SCEL: variants seen among roughly 807,000 people sequenced by gnomAD.
SCEL encodes the protein sciellin.
A neutral mutation model predicts 117.6 loss-of-function variants in SCEL; 113 were observed. The ratio of observed to expected loss-of-function variants is 0.96; its 90% confidence interval spans 0.83 to 1.12. SCEL has a LOEUF of 1.12. Among genes scored for constraint, SCEL ranks in the 50% most tolerant of loss-of-function variants. The pLI, the probability that SCEL is intolerant of heterozygous loss-of-function variation, is 0.00. For synonymous variants in SCEL, 270 were observed against 256.2 expected, an observed-to-expected ratio of 1.05 and a Z score of -0.51; for missense variants, 785 against 810.8, an observed-to-expected ratio of 0.97 and a Z score of 0.39.
chr13:77,642,333 A>T (rs1286829008), intron 31 of SCEL, among the ~76,000 whole-genome samples: 1 of 152,200 alleles, frequency 6.6e-6, no homozygotes, highest in East Asian at 1.9e-4. Flanking sequence ...GGTCTGAAGC[A>T]GCGGTCAGCC....
chr13:77,572,066 A>G lies in SCEL; in HGVS notation c.480-58A>G, dbSNP rs1348928539. ...TTTAACTGTCAAATTATTTTCAGAC[A>G]TGTGGGTGGGATCAGCCTTTCAATC... On this transcript the variant is annotated intron_variant, in intron 8 of 32. Coordinates refer to ENST00000349847, the MANE Select transcript of SCEL (RefSeq NM_144777.3). The G allele has an allele frequency of 2.9e-6, 4 of 1,385,308 alleles. No individual in the cohort carries two copies. The Admixed American group carries it at 5.1e-5, about 18-fold the overall frequency. The allele number at this position is 1,385,308 out of a possible 1,614,324, so 85.8% of individuals were successfully genotyped here.
At chr13:77,541,329 A>T (rs879457193) in intron 1 of SCEL, among the ~76,000 whole-genome samples, 1 of 152,236 alleles carries the variant, frequency 6.6e-6, no homozygotes, top group Admixed American at 6.5e-5. Context: ...AAGATTAATG[A>T]ATGATAATTC....
intron 29 of SCEL, among the ~76,000 whole-genome samples, chr13:77,635,102 G>A (rs1470510524): frequency 1.3e-5 from 2 of 152,208 alleles, no homozygotes; most frequent in Non-Finnish European, 2.9e-5. Context: ...TAAGAGAAGA[G>A]TATTCAGGGA....
chr13:77,546,613 G>T (rs953389297), intron 1 of SCEL, among the ~76,000 whole-genome samples: 3 of 151,858 alleles, frequency 2.0e-5, no homozygotes, highest in Admixed American at 2.0e-4. Context: ...TCAACTTTTG[G>T]ACCTTCTATT....
intron 9 of SCEL, among the ~76,000 whole-genome samples, chr13:77,575,527 G>A (rs1456569336): frequency 2.0e-5 from 3 of 152,246 alleles, no homozygotes; most frequent in African/African-American, 7.2e-5. Context: ...TTTTATGTAT[G>A]ATATACATTA....
chr13:77,574,706 T>C (rs894827919), intron 9 of SCEL, among the ~76,000 whole-genome samples: 2 of 152,128 alleles, frequency 1.3e-5, no homozygotes, highest in Admixed American at 6.5e-5. Flanking sequence ...GAGTAAAGGC[T>C]TCACAAAGAT....
intron 1 of SCEL, among the ~76,000 whole-genome samples, chr13:77,537,533 T>A (rs556148340): frequency 1.1e-4 from 17 of 152,340 alleles, no homozygotes; most frequent in African/African-American, 3.8e-4. Flanking sequence ...TTTTCCAACT[T>A]GTGGCTTATG....
intron 12 of SCEL, among the ~76,000 whole-genome samples, chr13:77,594,631 C>A (rs2087114479): frequency 6.6e-6 from 1 of 152,170 alleles, no homozygotes; most frequent in African/African-American, 2.4e-5. Context: ...AAGTGTGTTA[C>A]CTTCTCTATC....
rs1567359903 is a variant in SCEL at position 77,568,297 on chromosome 13, G to T, written c.362G>T (p.Ser121Ile). 1 of 1,563,988 alleles carries T rather than the reference G, an allele frequency of 6.4e-7. No homozygotes were observed. Among genetic ancestry groups the T allele is most frequent in the African/African-American group, 1.4e-5 (1 of 73,470 alleles). ...NTLDNQLTNRSMSMFRSLEVT... is the reference protein window; with the variant it reads ...NTLDNQLTNRIMSMFRSLEVT... ...TTGCTTTCTTTCTCTCTTACCAGGA[G>T]CATGTCCATGTTTAGATCACTGGAA... The change falls in exon 7 of 33, where the codon AGC (serine) becomes ATC (isoleucine). Residue 121 changes from serine to isoleucine, a missense_variant and splice_region_variant. Physicochemically the swap from Ser to Ile is moderately radical, Grantham distance 142. Coordinates refer to ENST00000349847, the MANE Select transcript of SCEL (RefSeq NM_144777.3).
chr13:77,613,699 G>A (rs1317666471), intron 23 of SCEL, among the ~76,000 whole-genome samples, 194 bp from the exon 24 acceptor site: 1 of 151,930 alleles, frequency 6.6e-6, no homozygotes, highest in African/African-American at 2.4e-5. Flanking sequence ...CTGTGGGGGT[G>A]GGGGCGGTGG....
At chr13:77,565,908 C>A (rs780247828) in intron 5 of SCEL, among the ~76,000 whole-genome samples, 1 of 152,180 alleles carries the variant, frequency 6.6e-6, no homozygotes, top group African/African-American at 2.4e-5. Context: ...CTTTTCTGAT[C>A]ATGCTGCTAA....
intron 12 of SCEL, among the ~76,000 whole-genome samples, chr13:77,596,285 A>G (rs556626143): frequency 6.6e-6 from 1 of 152,196 alleles, no homozygotes; most frequent in African/African-American, 2.4e-5. Flanking sequence ...GTGAGCCAAG[A>G]TCATGCCATT....
intron 27 of SCEL, among the ~76,000 whole-genome samples, chr13:77,619,806 C>T (rs754396354): frequency 2.0e-5 from 3 of 152,138 alleles, no homozygotes; most frequent in Non-Finnish European, 4.4e-5. Context: ...GGTTCAATAA[C>T]CATGTTATGT....
intron 9 of SCEL, among the ~76,000 whole-genome samples, chr13:77,580,123 A>G (rs1395656212): frequency 6.6e-6 from 1 of 152,224 alleles, no homozygotes; most frequent in African/African-American, 2.4e-5. Context: ...TCATGTTTCT[A>G]TTTTAAGAGT....
chr13:77,595,065 C>T (rs1345142572), intron 12 of SCEL, among the ~76,000 whole-genome samples: 2 of 152,012 alleles, frequency 1.3e-5, no homozygotes, highest in African/African-American at 2.4e-5. Flanking sequence ...GGTGGGTGAT[C>T]GGGATATCTG....
In SCEL at chr13:77,591,248, A is replaced by G. The variant is rs889977713; in HGVS notation, c.627-147A>G. 1.3e-4 allele frequency: 85 copies of G among 656,074 alleles called. No individual in the cohort carries two copies. The Admixed American group carries it at 1.9e-3, about 15-fold the overall frequency. 40.6% of individuals were successfully genotyped at this position (656,074 alleles called of 1,614,324 possible). The stretch of plus-strand genomic sequence containing the variant: ...AGTATACTGGAGTTCCCGCCAACCC[A>G]AAGAATTTAAGTTTGTTATCTCAGG... On this transcript the variant is annotated intron_variant, in intron 10 of 32. Coordinates refer to ENST00000349847, the MANE Select transcript of SCEL (RefSeq NM_144777.3).
intron 19 of SCEL, 137 bp downstream of exon 19, chr13:77,604,552 T>C (rs985773317): frequency 2.1e-5 from 13 of 612,624 alleles, no homozygotes; most frequent in African/African-American, 1.2e-4. Context: ...AAACACTTCA[T>C]AGTAAGTAAT....
chr13:77,624,513 G>A (rs896945988), intron 27 of SCEL, among the ~76,000 whole-genome samples: 9 of 152,216 alleles, frequency 5.9e-5, no homozygotes, highest in South Asian at 4.2e-4. Context: ...CTCTGAGGAC[G>A]CTTATCTCTA....
chr13:77,609,118 G>A lies in SCEL; in HGVS notation c.1277+1G>A, dbSNP rs779177706. On this transcript the variant is annotated splice_donor_variant, in intron 21 of 32. Transcript: ENST00000349847. LOFTEE classifies it high-confidence loss of function. ...CAGGAACAGAAAAAAGTACTGAAGG[G>A]TAAGATTTAATAAGCTCCCTTTTTT... The A allele has an allele frequency of 6.3e-7, 1 of 1,593,374 alleles. No individual in the cohort carries two copies. Among genetic ancestry groups the A allele is most frequent in the South Asian group, 1.2e-5 (1 of 86,326 alleles).
Sources: gnomAD v4.1 joint callset for allele counts (sites outside exome capture counted in the v4.1 genomes callset) on GRCh38, gnomAD v4.1.1 for gene constraint, MANE v1.5 for transcripts, NCBI Gene and HGNC (gene_info 2026-07-23, HGNC 2026-07-21) for gene names.